C2orf78: variants seen among roughly 807,000 people sequenced by gnomAD.
C2orf78 encodes chromosome 2 open reading frame 78, also known as uncharacterized protein C2orf78.
C2orf78 carries 12 observed loss-of-function variants against 21.4 expected under a neutral mutation model. The ratio of observed to expected loss-of-function variants is 0.56; its 90% CI spans 0.36 to 0.91. The LOEUF is 0.91. C2orf78 is among the 40% of genes least tolerant of loss of function. The probability of loss-of-function intolerance (pLI) is 0.01; values close to 1 mark genes in which losing one functional copy is unlikely to be tolerated. For synonymous variants in C2orf78, 396 were observed against 413.9 expected, an observed-to-expected ratio of 0.96 and a Z score of 0.52; for missense variants, 1,042 against 1,092.4, an observed-to-expected ratio of 0.95 and a Z score of 0.65.
At chr2:73,816,783 C>T (rs563673924) in exon 3 of C2orf78, 3 of 1,613,920 alleles carry the variant, frequency 1.9e-6, no homozygotes, top group Non-Finnish European at 2.5e-6. Flanking sequence ...CAGCCTCCAA[C>T]CCCGTCCATG....
Position 73,813,677 on chromosome 2 carries a change from C to T in C2orf78, c.298C>T (p.Gln100Ter), listed in dbSNP as rs1250656044. ...ACTCATGGGCAGTGCCTACCTTTAC[C>T]AACATTCTAGCACAACTATGTTGTC... Residue 100 changes from glutamine to a stop codon, truncating the protein, a stop_gained, in exon 2 of 3, where the codon CAA becomes TAA. Coordinates refer to ENST00000409561, the Ensembl canonical transcript of C2orf78. LOFTEE classifies it high-confidence loss of function. 1 of 1,613,856 alleles carries T rather than the reference C, an allele frequency of 6.2e-7. No homozygotes were observed. The highest frequency in any genetic ancestry group is 2.2e-5 in the East Asian group (1 of 44,898).
chr2:73,784,815 T>A (rs1672894367), intron 1 of C2orf78, among the ~76,000 whole-genome samples: 1 of 151,512 alleles, frequency 6.6e-6, no homozygotes, highest in Non-Finnish European at 1.5e-5. Flanking sequence ...ATAGCCTCCC[T>A]CCACTAATAT....
chr2:73,813,377 G>C, intron 1 of C2orf78, 100 bp from the exon 2 acceptor site: 6 of 1,233,340 alleles, frequency 4.9e-6, no homozygotes, highest in Non-Finnish European at 4.4e-6. Flanking sequence ...GGTATTAGAG[G>C]CTTCCTGATT....
chr2:73,815,071 TGATGGAAACTTCCCTGGG>T (rs2103992146), exon 3 of C2orf78: 1 of 1,607,414 alleles, frequency 6.2e-7, no homozygotes, highest in Admixed American at 1.7e-5. Flanking sequence ...TCCTTTGTAG[TGATGGAAACTTCCCTGGG>T]GATGGATACT....
rs1402119287 is a variant in C2orf78, at chr2:73,817,042, A to G, written c.*50A>G. 8.8e-6 allele frequency: 13 copies of G among 1,484,572 alleles called. No individual in the cohort carries two copies. The Admixed American group carries it at 9.9e-5, about 11-fold the overall frequency. 92.0% of individuals were successfully genotyped at this position (1,484,572 alleles called of 1,614,324 possible). ...TGGATACCGCTGGTTTTCCACATAT[A>G]TAGATAGATACTAATTTATTTATTC... is the stretch of plus-strand genomic sequence containing the variant. On this transcript the variant is annotated 3_prime_UTR_variant, in exon 3 of 3. Coordinates refer to ENST00000409561, the Ensembl canonical transcript of C2orf78.
chr2:73,813,858 C>A (rs762555583), exon 2 of C2orf78: 1 of 1,613,828 alleles, frequency 6.2e-7, no homozygotes, highest in East Asian at 2.2e-5. Flanking sequence ...TCTTCCATGT[C>A]TATGACAGCC....
intron 1 of C2orf78, among the ~76,000 whole-genome samples, chr2:73,785,873 C>A (rs372096199): frequency 6.6e-6 from 1 of 151,780 alleles, no homozygotes; most frequent in Admixed American, 6.6e-5. Context: ...AAGGAGAAAC[C>A]CCACCTCTAC....
chr2:73,809,739 A>T (rs1193324971), intron 1 of C2orf78, among the ~76,000 whole-genome samples: 3 of 152,184 alleles, frequency 2.0e-5, no homozygotes, highest in Non-Finnish European at 4.4e-5. Context: ...AGTCAGGTTC[A>T]CACCACTGGA....
In C2orf78 at chr2:73,816,417, C is replaced by T. The variant is rs11676914; in HGVS notation, c.2194C>T (p.Arg732Ter). The change falls in exon 3 of 3, where the codon CGA (arginine) becomes TGA (stop). Residue 732 changes from arginine (R) to a stop codon, truncating the protein, a stop_gained. Coordinates refer to ENST00000409561, the Ensembl canonical transcript of C2orf78. LOFTEE classifies it low-confidence loss of function (END_TRUNC). The stretch of plus-strand genomic sequence containing the variant: ...TCTGACCCTGGACCAACCTCAAGCT[C>T]GACATGTTTCTCGGCGGCCAAACCC... The T allele has an allele frequency of 3.7e-6, 6 of 1,613,776 alleles. No homozygotes were observed. The highest frequency in any genetic ancestry group is 3.3e-5 in the Admixed American group (2 of 59,990).
At chr2:73,816,076 C>T in exon 3 of C2orf78, 1 of 1,613,800 alleles carries the variant, frequency 6.2e-7, no homozygotes, top group South Asian at 1.1e-5. Flanking sequence ...AGCCAAAAGA[C>T]CCTTAAAAAG....
Position 73,815,068 on chromosome 2 carries a change from T to A in C2orf78, c.848-3T>A. ...ACTGACTTCTTCCTTGATTCCTTTG[T>A]AGTGATGGAAACTTCCCTGGGGATG... is the stretch of plus-strand genomic sequence containing the variant. On this transcript the variant is annotated splice_region_variant and splice_polypyrimidine_tract_variant and intron_variant, in intron 2 of 2. Transcript: ENST00000409561. The A allele has an allele frequency of 1.2e-6, 2 of 1,606,450 alleles. No individual in the cohort carries two copies. The highest frequency in any genetic ancestry group is 1.7e-6 in the Non-Finnish European group (2 of 1,175,980).
intron 1 of C2orf78, among the ~76,000 whole-genome samples, chr2:73,810,256 C>T (rs946827839): frequency 5.3e-5 from 8 of 151,880 alleles, no homozygotes; most frequent in Non-Finnish European, 1.2e-4. Flanking sequence ...AGAGGCCGGG[C>T]AGGATGGCTC....
At chr2:73,812,829 A>T (rs1318780886) in intron 1 of C2orf78, among the ~76,000 whole-genome samples, 1 of 152,178 alleles carries the variant, frequency 6.6e-6, no homozygotes, top group Non-Finnish European at 1.5e-5. Context: ...AGATTTACCA[A>T]TGGCCTGGGT....
At chr2:73,812,133 T>C (rs1454772902) in intron 1 of C2orf78, among the ~76,000 whole-genome samples, 1 of 152,192 alleles carries the variant, frequency 6.6e-6, no homozygotes. Context: ...TCTGTCTATA[T>C]ATGCTTGTTA....
exon 3 of C2orf78, chr2:73,815,696 C>A: frequency 6.2e-7 from 1 of 1,613,776 alleles, no homozygotes; most frequent in South Asian, 1.1e-5. Flanking sequence ...AGTCATGTGT[C>A]ATAAAGGGTC....
At chr2:73,786,386 A>G (rs1364381352) in intron 1 of C2orf78, among the ~76,000 whole-genome samples, 1 of 146,100 alleles carries the variant, frequency 6.8e-6, no homozygotes, top group Non-Finnish European at 1.5e-5. Context: ...CTAAAAACAA[A>G]CAAACAAATA....
chr2:73,817,122 G>T, exon 3 of C2orf78: 3 of 1,017,898 alleles, frequency 2.9e-6, no homozygotes, highest in East Asian at 3.4e-5. Context: ...TAATAGATAA[G>T]TAATAAAGAG....
chr2:73,816,337 C>T, exon 3 of C2orf78: 1 of 1,613,868 alleles, frequency 6.2e-7, no homozygotes, highest in Non-Finnish European at 8.5e-7. Flanking sequence ...TGTACATCTC[C>T]ATCCCACTCT....
At chr2:73,815,391 G>A in exon 3 of C2orf78, 1 of 1,613,914 alleles carries the variant, frequency 6.2e-7, no homozygotes, top group Non-Finnish European at 8.5e-7. Flanking sequence ...ACTACTTCCT[G>A]TAGAAATCCC....
Sources: allele counts gnomAD v4.1 joint callset (sites outside exome capture counted in the v4.1 genomes callset), GRCh38; gene constraint gnomAD v4.1.1; transcripts MANE v1.5; gene names NCBI Gene and HGNC (gene_info 2026-07-23, HGNC 2026-07-21).